The following SLC4A4 variants were observed in gnomAD, a reference collection of about 807,000 sequenced individuals.
SLC4A4 encodes electrogenic sodium bicarbonate cotransporter 1.
A neutral mutation model predicts 111.5 loss-of-function variants in SLC4A4; 27 were observed. The ratio of observed to expected loss-of-function variants is 0.24; its 90% CI spans 0.18 to 0.33. The LOEUF (loss-of-function observed/expected upper bound fraction) is 0.33, where lower values mean the gene tolerates loss of function less well. Among genes scored for constraint, SLC4A4 ranks in the 10% least tolerant of loss-of-function variants. SLC4A4 has a pLI of 1.00. For synonymous variants in SLC4A4, 443 were observed against 463.4 expected, an observed-to-expected ratio of 0.96 and a Z score of 0.57; for missense variants, 909 against 1,315.5, an observed-to-expected ratio of 0.69 and a Z score of 4.78.
Position 71,319,783 on chromosome 4 carries a change from A to G in SLC4A4, c.254-19587A>G, listed in dbSNP as rs16846268. 8.4e-3 allele frequency among the ~76,000 whole-genome samples: 1,280 copies of G among 152,048 alleles called. 49 individuals carry two copies. In the East Asian group the frequency reaches 0.1, roughly 12 times the overall value. On this transcript the variant is annotated intron_variant, in intron 3 of 25. Transcript: ENST00000264485. The stretch of plus-strand genomic sequence containing the variant: ...TCTTCACTCTTCCTGTTGTTATTAT[A>G]TGTCAAAAAGTTGGGGAAGCTGAGT...
intron 16 of SLC4A4, among the ~76,000 whole-genome samples, chr4:71,509,473 G>T (rs780872642): frequency 1.7e-4 from 26 of 151,792 alleles, no homozygotes; most frequent in Non-Finnish European, 3.2e-4. Context: ...TTTCATTCTG[G>T]GTAGACTCAG....
intron 3 of SLC4A4, among the ~76,000 whole-genome samples, chr4:71,262,698 C>CCAGA (rs1721950334): frequency 6.6e-6 from 1 of 152,076 alleles, no homozygotes; most frequent in South Asian, 2.1e-4. Flanking sequence ...GACAAGGCTG[C>CCAGA]CAGACATCTA....
At chr4:71,261,146 A>T (rs1052674913) in intron 3 of SLC4A4, among the ~76,000 whole-genome samples, 4 of 152,164 alleles carry the variant, frequency 2.6e-5, no homozygotes, top group Admixed American at 6.5e-5. Context: ...TCAGTCTCTT[A>T]TCTTGCCAGT....
rs868770368 is a variant in SLC4A4 at position 71,063,300 on chromosome 4, G to A, written c.-65+512G>A. Among the ~76,000 whole-genome samples, 12 of 152,152 alleles carry A rather than the reference G, an allele frequency of 7.9e-5. No homozygotes were observed. In the Middle Eastern group the frequency reaches 0.01, roughly 129 times the overall value. ...TAGTTTCTATAAAGTGTTCTGAAAC[G>A]TTTCTGTTGTCGGGTACAGTAATTT... is the stretch of plus-strand genomic sequence containing the variant. On this transcript the variant is annotated intron_variant, in intron 1 of 26. Coordinates refer to the SLC4A4 transcript ENST00000649996.
chr4:71,207,706 A>G (rs979024415), intron 1 of SLC4A4, among the ~76,000 whole-genome samples: 3 of 152,220 alleles, frequency 2.0e-5, no homozygotes, highest in African/African-American at 7.2e-5. Flanking sequence ...TTGTATTTCT[A>G]AGAACTGCAT....
At chr4:71,350,848 G>A (rs576478107) in intron 5 of SLC4A4, among the ~76,000 whole-genome samples, 2 of 152,204 alleles carry the variant, frequency 1.3e-5, no homozygotes, top group South Asian at 2.1e-4. Flanking sequence ...TAATCCCAGG[G>A]TAGGCACACT....
chr4:71,532,052 A>G lies in SLC4A4; in HGVS notation c.2167-10A>G. On this transcript the variant is annotated splice_polypyrimidine_tract_variant and intron_variant, in intron 16 of 25. Transcript: ENST00000264485. ...CTAAATGGTTCCTGGTTTCTTTTTT[A>G]TTTTTCCAGGCAAGAAAACTGATCA... The G allele has an allele frequency of 6.4e-7, 1 of 1,562,706 alleles. No homozygotes were observed. Among genetic ancestry groups the G allele is most frequent in the Non-Finnish European group, 8.8e-7 (1 of 1,134,030 alleles).
Position 71,547,679 on chromosome 4 carries a change from A to T in SLC4A4, c.2653A>T (p.Ile885Phe), listed in dbSNP as rs753232968. Residue 885 changes from isoleucine to phenylalanine, a missense_variant, in exon 20 of 26, where the codon ATT becomes TTT. Physicochemically the swap from Ile to Phe is conservative, Grantham distance 21. Coordinates refer to ENST00000264485, the MANE Select transcript of SLC4A4 (RefSeq NM_001098484.3). ...EQRVTGTLVF[I>F]LTGLSVFMAP... ...AAGAGTCACTGGAACCCTTGTGTTT[A>T]TTCTGACTGGTCTGTCAGTCTTTAT... The T allele has an allele frequency of 6.2e-7, 1 of 1,612,078 alleles. No homozygotes were observed. Among genetic ancestry groups the T allele is most frequent in the South Asian group, 1.1e-5 (1 of 91,028 alleles).
chr4:71,169,081 C>T (rs1457157057), intron 2 of SLC4A4, among the ~76,000 whole-genome samples: 1 of 151,886 alleles, frequency 6.6e-6, no homozygotes, highest in Non-Finnish European at 1.5e-5. Context: ...TGCAATGGCA[C>T]AATCTTGACT....
At chr4:71,102,933 A>G (rs2148947236) in intron 2 of SLC4A4, among the ~76,000 whole-genome samples, 1 of 150,900 alleles carries the variant, frequency 6.6e-6, no homozygotes, top group African/African-American at 2.4e-5. Flanking sequence ...TTAACTTTAA[A>G]TGTAAATGGA....
intron 3 of SLC4A4, among the ~76,000 whole-genome samples, chr4:71,314,720 T>C (rs1415898443): frequency 6.6e-6 from 1 of 151,944 alleles, no homozygotes; most frequent in South Asian, 2.1e-4. Context: ...TGAATAATGA[T>C]AACACATGGA....
At chr4:71,145,537 T>A (rs1454862077) in intron 2 of SLC4A4, among the ~76,000 whole-genome samples, 1 of 152,308 alleles carries the variant, frequency 6.6e-6, no homozygotes, top group South Asian at 2.1e-4. Context: ...AGCTCCTCCT[T>A]GTACCTCTGG....
At chr4:71,506,191 T>A (rs1731402265) in intron 16 of SLC4A4, among the ~76,000 whole-genome samples, 1 of 152,174 alleles carries the variant, frequency 6.6e-6, no homozygotes, top group African/African-American at 2.4e-5. Context: ...TTCATATGAA[T>A]TTTAAAATAG....
chr4:71,543,511 A>C (rs1298223131), intron 18 of SLC4A4, among the ~76,000 whole-genome samples: 1 of 152,112 alleles, frequency 6.6e-6, no homozygotes, highest in Non-Finnish European at 1.5e-5. Context: ...AGTTACCTTT[A>C]TAGTCCATCA....
intron 24 of SLC4A4, among the ~76,000 whole-genome samples, chr4:71,564,964 G>GTCAGAGC (rs1737328172): frequency 6.6e-6 from 1 of 151,640 alleles, no homozygotes; most frequent in African/African-American, 2.4e-5. Context: ...TGAGATTGCC[G>GTCAGAGC]TCAGAGCTGT....
intron 1 of SLC4A4, among the ~76,000 whole-genome samples, chr4:71,200,847 C>T (rs565875146): frequency 6.6e-6 from 1 of 151,886 alleles, no homozygotes; most frequent in South Asian, 2.1e-4. Flanking sequence ...AGCTGACACA[C>T]CCCACGAATA....
chr4:71,421,955 A>C (rs1722556624), intron 7 of SLC4A4, among the ~76,000 whole-genome samples: 1 of 152,138 alleles, frequency 6.6e-6, no homozygotes, highest in African/African-American at 2.4e-5. Flanking sequence ...ACACATTCAA[A>C]AGCTAGCAGA....
At chr4:71,502,580 C>A (rs145592107) in intron 16 of SLC4A4, among the ~76,000 whole-genome samples, 1 of 152,118 alleles carries the variant, frequency 6.6e-6, no homozygotes, top group Non-Finnish European at 1.5e-5. Flanking sequence ...TTTACTTACA[C>A]ATTGGTTATT....
intron 14 of SLC4A4, among the ~76,000 whole-genome samples, chr4:71,483,344 G>A (rs1185864615): frequency 5.3e-5 from 8 of 151,546 alleles, no homozygotes; most frequent in Admixed American, 3.3e-4. Context: ...CCTCTAATAG[G>A]CCCCAGAGTG....
Sources: allele counts gnomAD v4.1 joint callset (sites outside exome capture counted in the v4.1 genomes callset), GRCh38; gene constraint gnomAD v4.1.1; transcripts MANE v1.5; gene names NCBI Gene and HGNC (gene_info 2026-07-23, HGNC 2026-07-21).